TMEM132B: variants seen among roughly 807,000 people sequenced by gnomAD.
TMEM132B encodes transmembrane protein 132B.
Under a neutral mutation model 90.8 loss-of-function variants are expected in TMEM132B, and 18 were observed. The ratio of observed to expected loss-of-function variants is 0.20; its 90% CI spans 0.14 to 0.29. The LOEUF (loss-of-function observed/expected upper bound fraction) is 0.29. Among genes scored for constraint, TMEM132B ranks in the 10% least tolerant of loss-of-function variants. TMEM132B has a pLI of 1.00. For missense variants in TMEM132B, 1,096 were observed against 1,326.8 expected (o/e 0.83, Z 2.70); for synonymous variants, 504 against 523.3 (o/e 0.96, Z 0.50).
chr12:125,607,443 T>G (rs1425656629), intron 5 of TMEM132B, among the ~76,000 whole-genome samples: 1 of 152,182 alleles, frequency 6.6e-6, no homozygotes, highest in Non-Finnish European at 1.5e-5. Context: ...TGGCTGCCTG[T>G]GATTGACTGA....
intron 2 of TMEM132B, among the ~76,000 whole-genome samples, chr12:125,379,146 G>A (rs1048297758): frequency 6.6e-6 from 1 of 152,184 alleles, no homozygotes; most frequent in African/African-American, 2.4e-5. Flanking sequence ...GAATAATAAT[G>A]CTCCAAAGAT....
chr12:125,554,718 T>G (rs1284328488), intron 4 of TMEM132B, among the ~76,000 whole-genome samples: 1 of 152,228 alleles, frequency 6.6e-6, no homozygotes, highest in East Asian at 1.9e-4. Context: ...GTTGCTGAGT[T>G]CACTGTCCTC....
At chr12:125,244,278 G>A (rs1302046583) in intron 1 of TMEM132B, among the ~76,000 whole-genome samples, 1 of 152,192 alleles carries the variant, frequency 6.6e-6, no homozygotes, top group African/African-American at 2.4e-5. Context: ...GCTCAGGAGT[G>A]GAATTGCTGG....
intron 3 of TMEM132B, among the ~76,000 whole-genome samples, chr12:125,495,033 G>T (rs1294608922): frequency 1.7e-5 from 1 of 58,306 alleles, no homozygotes; most frequent in East Asian, 5.8e-4. Flanking sequence ...AAATGGATGC[G>T]TCCCTCCTCC....
At chr12:125,234,105 G>A (rs1303482139) in intron 1 of TMEM132B, among the ~76,000 whole-genome samples, 1 of 152,164 alleles carries the variant, frequency 6.6e-6, no homozygotes, top group Admixed American at 6.5e-5. Context: ...CAGGCAGTTG[G>A]TCTTTGTAAA....
intron 4 of TMEM132B, among the ~76,000 whole-genome samples, chr12:125,556,844 T>C (rs943415079): frequency 2.6e-5 from 4 of 152,242 alleles, no homozygotes; most frequent in Admixed American, 6.5e-5. Flanking sequence ...AAGCTCTGCC[T>C]CCCGGGTTCA....
At chr12:125,543,999 C>T (rs1352474454) in intron 4 of TMEM132B, among the ~76,000 whole-genome samples, 4 of 152,176 alleles carry the variant, frequency 2.6e-5, no homozygotes, top group Admixed American at 2.0e-4. Flanking sequence ...ACATATAACA[C>T]CATGGAATAC....
chr12:125,387,100 C>A (rs537750920), intron 2 of TMEM132B, among the ~76,000 whole-genome samples: 15 of 126,130 alleles, frequency 1.2e-4, no homozygotes, highest in Middle Eastern at 5.9e-3. Context: ...TTGACCCAGA[C>A]AGAAAGAAGT....
intron 4 of TMEM132B, among the ~76,000 whole-genome samples, chr12:125,558,317 G>C (rs1884442232): frequency 6.6e-6 from 1 of 152,126 alleles, no homozygotes; most frequent in Non-Finnish European, 1.5e-5. Flanking sequence ...GTTCTACTTT[G>C]AAGAACTTAC....
chr12:125,243,443 A>AATTTTG (rs1874135719), intron 1 of TMEM132B, among the ~76,000 whole-genome samples: 1 of 151,928 alleles, frequency 6.6e-6, no homozygotes, highest in Non-Finnish European at 1.5e-5. Context: ...GGTAGCTGGG[A>AATTTTG]CTACAGGCGC....
At chr12:125,420,428 C>T (rs1880136616) in intron 3 of TMEM132B, among the ~76,000 whole-genome samples, 1 of 152,250 alleles carries the variant, frequency 6.6e-6, no homozygotes, top group Non-Finnish European at 1.5e-5. Flanking sequence ...CCTCTGAAGC[C>T]ATGATCCGAC....
In TMEM132B at chr12:125,460,219, G is replaced by T. The variant is rs1309073669; in HGVS notation, c.1106+44542G>T. Among the ~76,000 whole-genome samples the T allele has an allele frequency of 2.6e-5, 4 of 152,160 alleles. No individual in the cohort carries two copies. The highest frequency in any genetic ancestry group is 9.7e-5 in the African/African-American group (4 of 41,436). On this transcript the variant is annotated intron_variant, in intron 3 of 8. Coordinates refer to ENST00000682704, the MANE Select transcript of TMEM132B (RefSeq NM_001366854.1). This position sits in a 1 kb window ranked among gnomAD's most constrained non-coding sequence, Gnocchi z 4.4. ...TAAAAAAATAAAGCTGGCAGGGCAC[G>T]GTGGCTCACGCCTGTAATCCCAGCA... is the stretch of plus-strand genomic sequence containing the variant.
At chr12:125,586,860 A>G (rs904979489) in intron 5 of TMEM132B, 1 of 152,224 alleles carries the variant, frequency 6.6e-6, no homozygotes, top group African/African-American at 2.4e-5. Flanking sequence ...TTAATAAGGA[A>G]GGAAAAAGAT....
intron 1 of TMEM132B, among the ~76,000 whole-genome samples, chr12:125,203,778 GCAGA>G (rs1456103145): frequency 6.6e-6 from 1 of 152,200 alleles, no homozygotes; most frequent in Non-Finnish European, 1.5e-5. Flanking sequence ...TCATAGGTTG[GCAGA>G]CATGGATGGA....
chr12:125,462,017 G>A (rs139826910), intron 3 of TMEM132B, among the ~76,000 whole-genome samples: 4 of 152,336 alleles, frequency 2.6e-5, no homozygotes, highest in South Asian at 2.1e-4. Flanking sequence ...ACCAGTCACT[G>A]TGATTCATGG....
chr12:125,554,033 G>GA lies in TMEM132B; in HGVS notation c.1294-29811dup, dbSNP rs1337042095. ...GTTGATTATAAATGTACAGGGAAAT[G>GA]AAAAAAATAGTAAAATTGTAATATT... On this transcript the variant is annotated intron_variant, in intron 4 of 8. Transcript: ENST00000682704. 2.6e-5 allele frequency among the ~76,000 whole-genome samples: 4 copies of GA among 152,064 alleles called. No individual in the cohort carries two copies. The South Asian group carries it at 6.2e-4, about 24-fold the overall frequency.
At chr12:125,428,766 T>C (rs1353777360) in intron 3 of TMEM132B, among the ~76,000 whole-genome samples, 2 of 152,236 alleles carry the variant, frequency 1.3e-5, no homozygotes, top group Non-Finnish European at 2.9e-5. Context: ...TGAAATGACA[T>C]TTTATTTGAT....
At chr12:125,455,204 A>G (rs147095297) in intron 3 of TMEM132B, among the ~76,000 whole-genome samples, 1 of 152,224 alleles carries the variant, frequency 6.6e-6, no homozygotes, top group East Asian at 1.9e-4. Flanking sequence ...GGAAGGAGTA[A>G]GAATAAAGAC....
intron 5 of TMEM132B, among the ~76,000 whole-genome samples, chr12:125,610,854 A>G (rs532677973): frequency 6.6e-6 from 1 of 152,224 alleles, no homozygotes; most frequent in East Asian, 1.9e-4. Flanking sequence ...TTTTCCTTTT[A>G]TATGACTTCT....
Sources: allele counts gnomAD v4.1 joint callset (sites outside exome capture counted in the v4.1 genomes callset), GRCh38; gene constraint gnomAD v4.1.1; non-coding constraint Gnocchi (gnomAD v3.1); transcripts MANE v1.5; gene names NCBI Gene and HGNC (gene_info 2026-07-23, HGNC 2026-07-21).